INTS6L: variants seen among roughly 807,000 people sequenced by gnomAD.
INTS6L encodes the protein integrator complex subunit 6 like.
INTS6L carries 18 observed loss-of-function variants against 64.7 expected under a neutral mutation model. The observed-to-expected ratio is 0.28, with a 90% confidence interval of 0.19 to 0.41. INTS6L has a LOEUF of 0.41. INTS6L is among the 10% of genes least tolerant of loss of function. The pLI is 1.00. For synonymous variants in INTS6L, 227 were observed against 235.9 expected (o/e 0.96, Z 0.34); for missense variants, 533 against 661.0 (o/e 0.81, Z 2.12).
In INTS6L at chrX:135,566,617, A is replaced by G. The variant is rs782774960; in HGVS notation, c.1193-2720A>G. Among the ~76,000 whole-genome samples the G allele has an allele frequency of 4.5e-5, 5 of 112,180 alleles. No individual in the cohort carries two copies. The South Asian group carries it at 1.9e-3, about 42-fold the overall frequency. On this transcript the variant is annotated intron_variant, in intron 9 of 17. Transcript: ENST00000639893. ...GCACTAAAACTTACCAGAAAATATA[A>G]AATATCTCATTTTCTGGAATAGATA... is the stretch of plus-strand genomic sequence containing the variant.
chrX:135,574,107 C>G, intron 13 of INTS6L, 45 bp downstream of exon 13: 1 of 1,148,605 alleles, frequency 8.7e-7, no homozygotes, highest in Non-Finnish European at 1.2e-6. Flanking sequence ...TGGAAAATGC[C>G]AGGCATGACT....
intron 14 of INTS6L, among the ~76,000 whole-genome samples, chrX:135,575,587 G>A (rs185978568): frequency 1.2e-4 from 13 of 112,390 alleles, no homozygotes; most frequent in African/African-American, 4.2e-4. Flanking sequence ...TTGAATCCAC[G>A]TCTTTCTCAC....
At chrX:135,539,318 T>A (rs1291788819) in intron 2 of INTS6L, among the ~76,000 whole-genome samples, 2 of 112,321 alleles carry the variant, frequency 1.8e-5, no homozygotes, top group African/African-American at 6.5e-5. Flanking sequence ...TTTTATGACA[T>A]GGAAGTGGCT....
rs35587102 is a variant in INTS6L, at chrX:135,549,764, A to G, written c.865A>G (p.Ile289Val). ...KTGVPVGHWP[I>V]PESFWPDQNL... The stretch of plus-strand genomic sequence containing the variant: ...TGGTGTTCCTGTTGGACATTGGCCA[A>G]TTCCAGAATCTTTTTGGCCAGATCA... The change falls in exon 7 of 18, where the codon ATT becomes GTT. Residue 289 changes from isoleucine (I) to valine (V), a missense_variant. Physicochemically the swap from Ile to Val is conservative, Grantham distance 29. Transcript: ENST00000639893. 16 of 1,210,781 alleles carry G rather than the reference A, an allele frequency of 1.3e-5. No individual in the cohort carries two copies. The African/African-American group carries it at 1.7e-4, about 13-fold the overall frequency.
intron 9 of INTS6L, among the ~76,000 whole-genome samples, chrX:135,561,574 G>A (rs941568435): frequency 8.9e-6 from 1 of 112,081 alleles, no homozygotes; most frequent in African/African-American, 3.2e-5. Context: ...CTCCTATTCT[G>A]TTTTCTGGAA....
chrX:135,538,290 G>A lies in INTS6L; in HGVS notation c.190-7133G>A, dbSNP rs782745363. On this transcript the variant is annotated intron_variant, in intron 2 of 17. Coordinates refer to ENST00000639893, the MANE Select transcript of INTS6L (RefSeq NM_001351601.3). ...AATCCTTTGTTGTCATTTCAACAAT[G>A]TTCACAACATCTTCACCATGAGTAG... Among the ~76,000 whole-genome samples, 4 of 112,427 alleles carry A rather than the reference G, an allele frequency of 3.6e-5. No homozygotes were observed. In the East Asian group the frequency reaches 1.1e-3, roughly 31 times the overall value.
chrX:135,564,939 C>T, intron 9 of INTS6L, among the ~76,000 whole-genome samples: 1 of 111,247 alleles, frequency 9.0e-6, no homozygotes. Context: ...GCCACTTGGC[C>T]TTCATTGACA....
In INTS6L at chrX:135,579,830, A is replaced by G; in HGVS notation, c.2162A>G (p.Asn721Ser). The stretch of plus-strand genomic sequence containing the variant: ...GATGGCCATGAGGAGAAGATGGAAA[A>G]TGGTCAGATCACACCTGATGGCTTC... ...IHDGHEEKME[N>S]GQITPDGFLS... is the part of the protein sequence containing the mutation. Residue 721 changes from asparagine (N) to serine (S), a missense_variant, in exon 16 of 18, where the codon AAT becomes AGT. Physicochemically the swap from Asn to Ser is conservative, Grantham distance 46. Coordinates refer to ENST00000639893, the MANE Select transcript of INTS6L (RefSeq NM_001351601.3). 8.4e-7 allele frequency: 1 copy of G among 1,196,446 alleles called. No homozygotes were observed. Among genetic ancestry groups the G allele is most frequent in the South Asian group, 1.8e-5 (1 of 54,455 alleles).
intron 15 of INTS6L, among the ~76,000 whole-genome samples, chrX:135,578,835 ACT>A (rs2087299386): frequency 9.0e-6 from 1 of 110,753 alleles, no homozygotes; most frequent in African/African-American, 3.3e-5. Flanking sequence ...TCTATCACAT[ACT>A]CTCTAACCCT....
chrX:135,521,284 T>C lies in INTS6L; in HGVS notation c.155T>C (p.Leu52Pro). The change falls in exon 2 of 18, where the codon CTG (leucine) becomes CCG (proline). Residue 52 changes from leucine (L) to proline (P), a missense_variant. By Grantham distance (98) the Leu-to-Pro change is moderately conservative. Coordinates refer to ENST00000639893, the MANE Select transcript of INTS6L (RefSeq NM_001351601.3). ...DPASRGDRYM[L>P]VTYDEPPYCI... The stretch of plus-strand genomic sequence containing the variant: ...GCCAGCCGTGGAGACAGGTACATGC[T>C]GGTCACCTACGACGAACCCCCGTAC... The C allele has an allele frequency of 8.3e-7, 1 of 1,207,611 alleles. No individual in the cohort carries two copies. The highest frequency in any genetic ancestry group is 1.1e-6 in the Non-Finnish European group (1 of 893,599).
intron 2 of INTS6L, among the ~76,000 whole-genome samples, chrX:135,539,835 GC>G (rs2086157710): frequency 9.0e-6 from 1 of 111,569 alleles, no homozygotes; most frequent in Admixed American, 9.5e-5. Flanking sequence ...GGTCGATGGA[GC>G]AGTTAGGACA....
chrX:135,521,951 G>T (rs2085587223), intron 2 of INTS6L, among the ~76,000 whole-genome samples: 1 of 109,402 alleles, frequency 9.1e-6, no homozygotes, highest in Non-Finnish European at 1.9e-5. Flanking sequence ...TGCTGAGAGC[G>T]TGGCAGAGCC....
At chrX:135,566,655 T>C (rs1189648880) in intron 9 of INTS6L, among the ~76,000 whole-genome samples, 1 of 112,266 alleles carries the variant, frequency 8.9e-6, no homozygotes, top group Non-Finnish European at 1.9e-5. Flanking sequence ...CGAAGCTTAA[T>C]TGTATCAATG....
At chrX:135,524,581 G>A (rs1456251050) in intron 2 of INTS6L, among the ~76,000 whole-genome samples, 2 of 110,986 alleles carry the variant, frequency 1.8e-5, no homozygotes, top group Non-Finnish European at 3.8e-5. Flanking sequence ...CTACTTGAAG[G>A]TTTGTTTCTA....
intron 4 of INTS6L, 59 bp from the exon 5 acceptor site, chrX:135,546,643 C>A (rs1290953282): frequency 1.8e-6 from 2 of 1,132,400 alleles, no homozygotes; most frequent in African/African-American, 1.8e-5. Context: ...CCCTTTAATT[C>A]TTTCTTCATT....
intron 2 of INTS6L, among the ~76,000 whole-genome samples, chrX:135,523,502 T>C (rs560641658): frequency 9.1e-6 from 1 of 110,488 alleles, no homozygotes; most frequent in South Asian, 3.8e-4. Context: ...GTAAAACTTA[T>C]CAAAACAGTA....
At chrX:135,572,023 A>G (rs1209388940) in intron 11 of INTS6L, 1 of 112,457 alleles carries the variant, frequency 8.9e-6, no homozygotes, top group African/African-American at 3.2e-5. Flanking sequence ...AAATCATTTT[A>G]GGTTTACCAA....
chrX:135,533,065 A>C (rs782711018), intron 2 of INTS6L, among the ~76,000 whole-genome samples: 1 of 111,203 alleles, frequency 9.0e-6, no homozygotes, highest in Non-Finnish European at 1.9e-5. Flanking sequence ...CCACAAAGTG[A>C]GATCCTGTCT....
chrX:135,535,407 G>A (rs781826295), intron 2 of INTS6L, among the ~76,000 whole-genome samples: 3 of 112,282 alleles, frequency 2.7e-5, no homozygotes, highest in East Asian at 5.6e-4. Flanking sequence ...ATTGTGAGAA[G>A]AAAATTCCTG....
Sources: gnomAD v4.1 joint callset for allele counts (sites outside exome capture counted in the v4.1 genomes callset) on GRCh38, gnomAD v4.1.1 for gene constraint, MANE v1.5 for transcripts, NCBI Gene and HGNC (gene_info 2026-07-23, HGNC 2026-07-21) for gene names.